The following ARHGAP27 variants were observed in gnomAD, a reference collection of about 807,000 sequenced individuals.
ARHGAP27 encodes Rho GTPase activating protein 27, also known as rho GTPase-activating protein 27.
In ARHGAP27, 53 loss-of-function variants were observed where a neutral mutation model predicts 102.0. The observed-to-expected ratio is 0.52, with a 90% CI of 0.42 to 0.65. ARHGAP27 has a LOEUF of 0.65. ARHGAP27 is among the 30% of genes least tolerant of loss of function. The pLI is 0.00. For synonymous variants in ARHGAP27, 525 were observed against 542.8 expected (o/e 0.97, Z 0.46); for missense variants, 1,117 against 1,256.2 (o/e 0.89, Z 1.68).
chr17:45,414,526 T>A (rs2033637581), intron 4 of ARHGAP27, among the ~76,000 whole-genome samples: 1 of 151,260 alleles, frequency 6.6e-6, no homozygotes, highest in South Asian at 2.1e-4. Context: ...CAGCTTTGAC[T>A]TCTTGGACTC....
At chr17:45,413,973 G>A (rs1448428854) in intron 4 of ARHGAP27, among the ~76,000 whole-genome samples, 2 of 152,182 alleles carry the variant, frequency 1.3e-5, no homozygotes, top group African/African-American at 4.8e-5. Flanking sequence ...GGGCGTGGTG[G>A]CGTGCGCCTG....
At position 45,396,025 on chromosome 17, in the gene ARHGAP27, G is replaced by T. The variant is rs1356850737; in HGVS notation, c.2344C>A (p.Leu782Ile). Residue 782 changes from leucine (L) to isoleucine (I), a missense_variant, in exon 18 of 20, where the codon CTC becomes ATC. Leu to Ile is a conservative substitution (Grantham distance 5, BLOSUM62 2). Around this residue, in one of 3 missense-constraint regions of ARHGAP27, gnomAD observed 493 missense variants for 505.5 expected, o/e 0.98. Coordinates refer to ENST00000685559, the MANE Select transcript of ARHGAP27 (RefSeq NM_001282290.2). ...KLFFRELPEP[L>I]FPFSHFRQFI... is the part of the protein sequence containing the mutation. ...TGGCGGAAGTGCGAGAAGGGGAAGA[G>T]GGGCTCGGGCAGCTCCCGAAAGAAG... 1 of 1,613,724 alleles carries T rather than the reference G, an allele frequency of 6.2e-7. No individual in the cohort carries two copies. The highest frequency in any genetic ancestry group is 8.5e-7 in the Non-Finnish European group (1 of 1,179,878).
At chr17:45,420,471 G>A (rs916625438) in intron 4 of ARHGAP27, among the ~76,000 whole-genome samples, 1 of 152,060 alleles carries the variant, frequency 6.6e-6, no homozygotes, top group African/African-American at 2.4e-5. Context: ...GAACAGAGCA[G>A]GGAAACAGTG....
At position 45,395,567 on chromosome 17, in the gene ARHGAP27, C is replaced by A. The variant is rs756398368; in HGVS notation, c.2559G>T (p.Thr853=). The A allele has an allele frequency of 2.3e-5, 37 of 1,604,968 alleles. 2 individuals carry two copies. In the Middle Eastern group the frequency reaches 6.6e-4, roughly 29 times the overall value. Residue 853 remains threonine (T), a synonymous_variant, in exon 20 of 20, where the codon ACG becomes ACT. Coordinates refer to ENST00000685559, the MANE Select transcript of ARHGAP27 (RefSeq NM_001282290.2). ...VQSVAIVFGP[T]LLRPEVEETS... ...TCTCTTCCACCTCGGGCCGCAGCAG[C>A]GTGGGCCCGAACACAATGGCCACGC...
chr17:45,410,158 C>CCCA, intron 4 of ARHGAP27: 1 of 1,497,366 alleles, frequency 6.7e-7, no homozygotes, highest in Non-Finnish European at 8.9e-7. Context: ...TGCTCTAAGC[C>CCCA]CCAGCTCACC....
intron 12 of ARHGAP27, 124 bp downstream of exon 12, chr17:45,402,580 AAGCTGCACTC>A (rs2046570794): frequency 1.3e-5 from 10 of 770,672 alleles, no homozygotes; most frequent in Non-Finnish European, 2.1e-5. Flanking sequence ...ATACAGCCAA[AAGCTGCACTC>A]AGTGTTGGCT....
At chr17:45,402,863 G>A in intron 11 of ARHGAP27, 45 bp from the exon 12 acceptor site, 1 of 1,498,092 alleles carries the variant, frequency 6.7e-7, no homozygotes, top group East Asian at 2.3e-5. Context: ...CAGTTCAGAT[G>A]TGTCTGCTGT....
Position 45,397,941 on chromosome 17 carries a change from C to G in ARHGAP27, c.1842+8G>C. The G allele has an allele frequency of 6.2e-7, 1 of 1,602,168 alleles. No individual in the cohort carries two copies. ...CCACTGCCCCTAGAGGCCCTGGGCT[C>G]TGCTTACCAGCTCCTGGATGCCCTG... On this transcript the variant is annotated splice_region_variant and intron_variant, in intron 13 of 19. Transcript: ENST00000685559.
At chr17:45,423,374 T>G (rs1157882111) in intron 4 of ARHGAP27, among the ~76,000 whole-genome samples, 1 of 151,854 alleles carries the variant, frequency 6.6e-6, no homozygotes, top group African/African-American at 2.4e-5. Flanking sequence ...AGTAGAAACT[T>G]AAATAAACTA....
At chr17:45,412,667 C>T (rs571210353) in intron 4 of ARHGAP27, among the ~76,000 whole-genome samples, 4 of 152,322 alleles carry the variant, frequency 2.6e-5, no homozygotes, top group South Asian at 2.1e-4. Context: ...CATGTCCACA[C>T]GACAGGTCCC....
chr17:45,414,356 T>G (rs777124284), intron 4 of ARHGAP27, among the ~76,000 whole-genome samples: 13 of 151,924 alleles, frequency 8.6e-5, no homozygotes, highest in Non-Finnish European at 1.5e-4. Flanking sequence ...TGCTCGGAAG[T>G]GGCCTCACCT....
At chr17:45,419,612 T>A (rs1431795061) in intron 4 of ARHGAP27, among the ~76,000 whole-genome samples, 5 of 149,272 alleles carry the variant, frequency 3.3e-5, no homozygotes, top group Admixed American at 1.3e-4. Context: ...GAGTGATACA[T>A]TGGACTACAT....
At chr17:45,419,682 A>G (rs918634283) in intron 4 of ARHGAP27, among the ~76,000 whole-genome samples, 2 of 151,552 alleles carry the variant, frequency 1.3e-5, no homozygotes, top group African/African-American at 2.4e-5. Flanking sequence ...TCAAAAGACA[A>G]CTCAGGGTGG....
At chr17:45,416,939 GA>G (rs1175365461) in intron 4 of ARHGAP27, among the ~76,000 whole-genome samples, 1 of 150,822 alleles carries the variant, frequency 6.6e-6, no homozygotes, top group African/African-American at 2.4e-5. Flanking sequence ...CGGATCACCT[GA>G]GGTCGAGAGT....
intron 12 of ARHGAP27, chr17:45,401,590 C>G (rs2046447326): frequency 6.6e-6 from 1 of 152,164 alleles, no homozygotes; most frequent in African/African-American, 2.4e-5. Context: ...CTGAAGCAGT[C>G]CCGGATCCTG....
intron 4 of ARHGAP27, among the ~76,000 whole-genome samples, chr17:45,417,597 T>A (rs931611356): frequency 2.6e-5 from 4 of 151,824 alleles, no homozygotes; most frequent in Non-Finnish European, 5.9e-5. Context: ...TGAAACTCCG[T>A]CTCTACTAAA....
At chr17:45,425,543 C>G (rs1296401009) in intron 4 of ARHGAP27, 1 of 983,714 alleles carries the variant, frequency 1.0e-6, no homozygotes, top group Non-Finnish European at 1.2e-6. Context: ...ACCCCCTAGT[C>G]CCCCAGGGGC....
At chr17:45,402,848 G>C (rs2046608429) in intron 11 of ARHGAP27, 30 bp from the exon 12 acceptor site, 2 of 1,568,156 alleles carry the variant, frequency 1.3e-6, no homozygotes, top group Non-Finnish European at 1.8e-6. Flanking sequence ...GTCACAGGGA[G>C]CCCTCAGTTC....
intron 4 of ARHGAP27, chr17:45,410,499 AT>A: frequency 8.2e-7 from 1 of 1,216,122 alleles, no homozygotes; most frequent in Non-Finnish European, 1.1e-6. Flanking sequence ...GGTTGAGGGT[AT>A]TTTTATGCTT....
Sources: allele counts gnomAD v4.1 joint callset (sites outside exome capture counted in the v4.1 genomes callset), GRCh38; gene constraint gnomAD v4.1.1; regional missense constraint gnomAD v4.1.1; transcripts MANE v1.5; gene names NCBI Gene and HGNC (gene_info 2026-07-23, HGNC 2026-07-21).